MARK3: variants seen among roughly 807,000 people sequenced by gnomAD.
MARK3 encodes the protein MAP/microtubule affinity-regulating kinase 3.
MARK3 carries 46 observed loss-of-function variants against 90.1 expected under a neutral mutation model. The observed-to-expected ratio is 0.51, with a 90% CI of 0.40 to 0.65. The LOEUF (loss-of-function observed/expected upper bound fraction) is 0.65, where lower values mean the gene tolerates loss of function less well. MARK3 is among the 30% of genes least tolerant of loss of function. MARK3 has a pLI of 0.00. For synonymous variants in MARK3, 321 were observed against 332.6 expected (o/e 0.97, Z 0.38); for missense variants, 818 against 947.2 (o/e 0.86, Z 1.79).
intron 2 of MARK3, among the ~76,000 whole-genome samples, chr14:103,410,024 A>C (rs2091540030): frequency 6.6e-6 from 1 of 152,198 alleles, no homozygotes; most frequent in Non-Finnish European, 1.5e-5. Context: ...AAAGTGATGT[A>C]CCTACTTTAT....
At chr14:103,422,714 TGTTA>T (rs778873073) in intron 2 of MARK3, among the ~76,000 whole-genome samples, 5 of 152,210 alleles carry the variant, frequency 3.3e-5, no homozygotes, top group Admixed American at 6.5e-5. Flanking sequence ...ACTAATAGAA[TGTTA>T]GAGTATTTTA....
chr14:103,407,752 G>C (rs1387240357), intron 2 of MARK3, among the ~76,000 whole-genome samples: 1 of 151,626 alleles, frequency 6.6e-6, no homozygotes, highest in African/African-American at 2.4e-5. Flanking sequence ...GTAGAGATGG[G>C]GTTTCACCAT....
chr14:103,487,532 T>C (rs2093951140), intron 14 of MARK3, among the ~76,000 whole-genome samples: 2 of 151,934 alleles, frequency 1.3e-5, no homozygotes, highest in Non-Finnish European at 2.9e-5. Context: ...TAAAAGCCTT[T>C]TCCTTCTCCA....
intron 3 of MARK3, among the ~76,000 whole-genome samples, chr14:103,436,639 G>A (rs939564617): frequency 6.6e-6 from 1 of 152,050 alleles, no homozygotes; most frequent in Admixed American, 6.6e-5. Flanking sequence ...TTGAGGCTGG[G>A]TCTTACTTTG....
chr14:103,435,796 G>A lies in MARK3; in HGVS notation c.297+7356G>A, dbSNP rs549635369. Among the ~76,000 whole-genome samples the A allele has an allele frequency of 3.3e-5, 5 of 152,244 alleles. No homozygotes were observed. In the South Asian group the frequency reaches 1.0e-3, roughly 32 times the overall value. Reference sequence around the variant, plus strand: ...GGTAGCAGCAAGACCAGAGCTCACTGCAGCCTGGAATTCCTGGGCTCAAGT... The same window carrying A: ...GGTAGCAGCAAGACCAGAGCTCACTACAGCCTGGAATTCCTGGGCTCAAGT... On this transcript the variant is annotated intron_variant, in intron 3 of 17. Transcript: ENST00000429436.
chr14:103,403,363 TG>T (rs2091087204), intron 1 of MARK3, among the ~76,000 whole-genome samples: 1 of 150,564 alleles, frequency 6.6e-6, no homozygotes. Context: ...TGTGTGTGTG[TG>T]TGTGTGTGTA....
chr14:103,419,405 TATTA>T (rs965764253), intron 2 of MARK3, among the ~76,000 whole-genome samples: 4 of 152,236 alleles, frequency 2.6e-5, no homozygotes, highest in African/African-American at 9.6e-5. Flanking sequence ...TTAAAATATA[TATTA>T]ATTCATCAAA....
chr14:103,501,066 TC>T (rs2075637913), intron 17 of MARK3, among the ~76,000 whole-genome samples: 1 of 152,164 alleles, frequency 6.6e-6, no homozygotes, highest in African/African-American at 2.4e-5. Context: ...CTATTTCAGG[TC>T]CTCATTCACC....
chr14:103,450,643 G>C (rs536792065), intron 4 of MARK3, among the ~76,000 whole-genome samples: 1 of 152,190 alleles, frequency 6.6e-6, no homozygotes, highest in Admixed American at 6.6e-5. Flanking sequence ...TCAGAGTCTA[G>C]GGAATGGTAT....
intron 14 of MARK3, among the ~76,000 whole-genome samples, chr14:103,487,503 C>T (rs1475303632): frequency 6.6e-6 from 1 of 151,958 alleles, no homozygotes; most frequent in Non-Finnish European, 1.5e-5. Flanking sequence ...ATGCAGCACC[C>T]TCCTGCCTGC....
chr14:103,427,250 A>G (rs2141025443), intron 2 of MARK3, among the ~76,000 whole-genome samples: 1 of 151,604 alleles, frequency 6.6e-6, no homozygotes, highest in East Asian at 1.9e-4. Flanking sequence ...GTGTAATCCT[A>G]GCACATTGGG....
chr14:103,431,565 CAG>C (rs2092583729), intron 3 of MARK3, among the ~76,000 whole-genome samples: 2 of 152,050 alleles, frequency 1.3e-5, no homozygotes. Context: ...CAGGAGGCGA[CAG>C]AACAAGACTT....
chr14:103,455,542 C>G (rs1417281999), intron 5 of MARK3, among the ~76,000 whole-genome samples: 2 of 152,020 alleles, frequency 1.3e-5, no homozygotes, highest in Non-Finnish European at 1.5e-5. Context: ...GCCTGGCCAA[C>G]GTGGTGAAAC....
At chr14:103,412,058 T>TA (rs2091671044) in intron 2 of MARK3, 1 of 419,522 alleles carries the variant, frequency 2.4e-6, no homozygotes, top group Admixed American at 4.4e-5. Flanking sequence ...TTCATGGGAT[T>TA]AGTTGGTTTT....
chr14:103,462,477 T>G lies in MARK3; in HGVS notation c.540+16T>G. On this transcript the variant is annotated intron_variant, in intron 7 of 17. Transcript: ENST00000429436. The stretch of plus-strand genomic sequence containing the variant: ...AGACCTCAAGGTGAGTAGAAGTGCC[T>G]CACTCAGTGTATGCTCTGTCTGTTT... 1.3e-6 allele frequency: 2 copies of G among 1,589,044 alleles called. No individual in the cohort carries two copies. Among genetic ancestry groups the G allele is most frequent in the Non-Finnish European group, 1.7e-6 (2 of 1,159,454 alleles).
chr14:103,431,976 T>TCC lies in MARK3; in HGVS notation c.297+3541_297+3542dup, dbSNP rs113381571. 3.2e-4 allele frequency among the ~76,000 whole-genome samples: 47 copies of TCC among 147,714 alleles called. 1 individual carries two copies. The highest frequency in any genetic ancestry group is 1.2e-3 in the East Asian group (6 of 5,072). Reference sequence around the variant, plus strand: ...ACTTTATTCCATACTTGGAATTGTTTCCCCCCTCCCACCTGAATTTGTTTG... The same window carrying TCC: ...ACTTTATTCCATACTTGGAATTGTTTCCCCCCCCTCCCACCTGAATTTGTTTG... On this transcript the variant is annotated intron_variant, in intron 3 of 17. Transcript: ENST00000429436.
chr14:103,453,581 T>C (rs2093205809), intron 5 of MARK3, among the ~76,000 whole-genome samples: 1 of 152,230 alleles, frequency 6.6e-6, no homozygotes, highest in Non-Finnish European at 1.5e-5. Flanking sequence ...ATTAGTTGTG[T>C]ATTTTATACT....
At chr14:103,439,165 A>G (rs1418063931) in intron 3 of MARK3, among the ~76,000 whole-genome samples, 1 of 152,196 alleles carries the variant, frequency 6.6e-6, no homozygotes, top group Non-Finnish European at 1.5e-5. Flanking sequence ...ATAAATATGT[A>G]TATGAGATGA....
intron 13 of MARK3, among the ~76,000 whole-genome samples, chr14:103,480,139 A>G (rs80311999): frequency 1.3e-5 from 2 of 152,190 alleles, no homozygotes; most frequent in East Asian, 3.9e-4. Flanking sequence ...AAAAAAAATT[A>G]GCCAAATGTG....
Sources: gnomAD v4.1 joint callset for allele counts (sites outside exome capture counted in the v4.1 genomes callset) on GRCh38, gnomAD v4.1.1 for gene constraint, MANE v1.5 for transcripts, NCBI Gene and HGNC (gene_info 2026-07-23, HGNC 2026-07-21) for gene names.